Variants in PCNX1 observed in about 807,000 individuals in gnomAD.
The protein encoded by PCNX1 is pecanex 1.
A neutral mutation model predicts 242.2 loss-of-function variants in PCNX1; 78 were observed. That is an observed-to-expected ratio of 0.32 (90% CI 0.27 to 0.39). The LOEUF (loss-of-function observed/expected upper bound fraction) is 0.39. Among genes scored for constraint, PCNX1 ranks in the 10% least tolerant of loss-of-function variants. PCNX1 has a pLI of 1.00. For missense variants in PCNX1, 2,581 were observed against 2,856.5 expected (o/e 0.90, Z 2.20); for synonymous variants, 1,024 against 1,032.9 (o/e 0.99, Z 0.17).
At chr14:70,988,909 T>C (rs1229822353) in intron 7 of PCNX1, among the ~76,000 whole-genome samples, 1 of 152,176 alleles carries the variant, frequency 6.6e-6, no homozygotes, top group East Asian at 1.9e-4. Flanking sequence ...TTAAGTAAAA[T>C]GATCAGATTG....
intron 7 of PCNX1, among the ~76,000 whole-genome samples, chr14:70,994,396 G>GATAGATAGATATATATATATAT (rs1555357306): frequency 2.1e-5 from 2 of 96,970 alleles, no homozygotes; most frequent in African/African-American, 3.8e-5. Context: ...ACAGGCTTAA[G>GATAGATAGATATATATATATAT]ATATATATAT....
intron 1 of PCNX1, among the ~76,000 whole-genome samples, chr14:70,943,591 A>G (rs1208609517): frequency 6.6e-6 from 1 of 152,242 alleles, no homozygotes; most frequent in African/African-American, 2.4e-5. Context: ...CAGCCTGATG[A>G]TGCAATAGAA....
At chr14:71,004,849 A>G (rs758439217) in intron 8 of PCNX1, among the ~76,000 whole-genome samples, 3 of 152,222 alleles carry the variant, frequency 2.0e-5, no homozygotes, top group Non-Finnish European at 4.4e-5. Flanking sequence ...TAACATTTCT[A>G]TTATTGAGTA....
At chr14:70,972,334 A>G (rs986480087) in intron 5 of PCNX1, among the ~76,000 whole-genome samples, 3 of 152,166 alleles carry the variant, frequency 2.0e-5, no homozygotes, top group Non-Finnish European at 1.5e-5. Flanking sequence ...AGCAATGAGT[A>G]GATAAGAGAG....
At chr14:71,104,744 A>G (rs2062562641) in intron 32 of PCNX1, among the ~76,000 whole-genome samples, 1 of 152,178 alleles carries the variant, frequency 6.6e-6, no homozygotes, top group African/African-American at 2.4e-5. Flanking sequence ...CCTGGCTAAC[A>G]TGATGAAACC....
chr14:71,055,888 G>C (rs564632549), intron 25 of PCNX1, among the ~76,000 whole-genome samples: 31 of 152,276 alleles, frequency 2.0e-4, no homozygotes, highest in South Asian at 1.0e-3. Context: ...CAGTCAGACT[G>C]ACACATGTTT....
At chr14:70,913,081 A>T (rs2055996056) in intron 1 of PCNX1, among the ~76,000 whole-genome samples, 1 of 151,890 alleles carries the variant, frequency 6.6e-6, no homozygotes, top group African/African-American at 2.4e-5. Flanking sequence ...TTGTTTGTTT[A>T]CTTGTTTGTC....
intron 28 of PCNX1, among the ~76,000 whole-genome samples, chr14:71,086,608 C>T (rs1185203929): frequency 5.3e-5 from 8 of 152,194 alleles, no homozygotes; most frequent in African/African-American, 1.9e-4. Context: ...CAAGGTTTTT[C>T]GCTGTTCCTT....
chr14:71,025,195 A>G (rs762703380), intron 13 of PCNX1, among the ~76,000 whole-genome samples: 5 of 152,204 alleles, frequency 3.3e-5, no homozygotes, highest in Non-Finnish European at 7.3e-5. Context: ...ATTGGTGTGG[A>G]TAAATGGATG....
At chr14:70,996,009 T>A (rs2059340464) in intron 8 of PCNX1, 84 bp downstream of exon 8, 6 of 1,046,498 alleles carry the variant, frequency 5.7e-6, no homozygotes, top group Non-Finnish European at 8.9e-6. Context: ...TTTTTTGAGA[T>A]AGTTTCATTT....
chr14:70,976,355 TC>T (rs2058685677), intron 5 of PCNX1, among the ~76,000 whole-genome samples: 1 of 64,320 alleles, frequency 1.6e-5, no homozygotes, highest in African/African-American at 6.4e-5. Flanking sequence ...CCTTTGTTGC[TC>T]TTTCTTTCTT....
At chr14:71,028,289 TG>T (rs929026479) in intron 15 of PCNX1, among the ~76,000 whole-genome samples, 3 of 151,980 alleles carry the variant, frequency 2.0e-5, no homozygotes, top group African/African-American at 7.2e-5. Flanking sequence ...GATTTACTTC[TG>T]GGGGTAACAC....
At chr14:71,073,866 T>C in intron 27 of PCNX1, 68 bp downstream of exon 27, 1 of 1,146,336 alleles carries the variant, frequency 8.7e-7, no homozygotes, top group Non-Finnish European at 1.2e-6. Flanking sequence ...CATATATAAG[T>C]ATATATATAT....
At chr14:70,929,035 G>T (rs1399000463) in intron 1 of PCNX1, among the ~76,000 whole-genome samples, 1 of 152,148 alleles carries the variant, frequency 6.6e-6, no homozygotes, top group Non-Finnish European at 1.5e-5. Context: ...AGTTTAGATT[G>T]TTGGGTATGT....
At chr14:71,050,165 CT>C (rs377649291) in intron 22 of PCNX1, among the ~76,000 whole-genome samples, 9 of 150,196 alleles carry the variant, frequency 6.0e-5, no homozygotes, top group Non-Finnish European at 7.4e-5. Flanking sequence ...GATTTTTTTT[CT>C]TTTTTTTTAT....
intron 6 of PCNX1, among the ~76,000 whole-genome samples, chr14:70,987,921 A>G (rs1018434795): frequency 2.0e-5 from 3 of 152,170 alleles, no homozygotes; most frequent in Non-Finnish European, 4.4e-5. Context: ...AGTTGAGAGG[A>G]CCAGAGCCAG....
chr14:71,088,308 A>T (rs1473375142), intron 28 of PCNX1, 22 bp from the exon 29 acceptor site: 1 of 1,372,652 alleles, frequency 7.3e-7, no homozygotes, highest in African/African-American at 1.4e-5. Flanking sequence ...TCTGATAACT[A>T]ATGTTTTTTG....
chr14:71,013,004 G>A lies in PCNX1; in HGVS notation c.2798G>A (p.Arg933Gln). ...PHDVLSLPQI[R>Q]LNRLLTIDTD... ...TTTTAGCTCTCTCTCCCACAGATTC[G>A]ATTGAATAGACTATTGACCATTGAT... The change falls in exon 11 of 36, where the codon CGA becomes CAA. Residue 933 changes from arginine to glutamine, a missense_variant. By Grantham distance (43) the Arg-to-Gln change is conservative. Coordinates refer to ENST00000304743, the MANE Select transcript of PCNX1 (RefSeq NM_014982.3). The A allele has an allele frequency of 5.6e-6, 9 of 1,613,440 alleles. No individual in the cohort carries two copies. Among genetic ancestry groups the A allele is most frequent in the South Asian group, 3.3e-5 (3 of 91,064 alleles).
intron 19 of PCNX1, among the ~76,000 whole-genome samples, chr14:71,037,707 A>AT (rs946817971): frequency 3.3e-5 from 5 of 152,014 alleles, no homozygotes; most frequent in African/African-American, 1.2e-4. Context: ...TTTATTGAGG[A>AT]TTTTTGAAAA....
Sources: allele counts gnomAD v4.1 joint callset (sites outside exome capture counted in the v4.1 genomes callset), GRCh38; gene constraint gnomAD v4.1.1; transcripts MANE v1.5; gene names NCBI Gene and HGNC (gene_info 2026-07-23, HGNC 2026-07-21).